The following DNAH7 variants were observed in gnomAD, a reference collection of about 807,000 sequenced individuals.
DNAH7 encodes axonemal beta dynein heavy chain 7.
Under a neutral mutation model 444.6 loss-of-function variants are expected in DNAH7, and 397 were observed. The observed-to-expected ratio is 0.89, with a 90% CI of 0.82 to 0.97. The LOEUF is 0.97. Ranked by LOEUF, DNAH7 falls within the 50% of genes least tolerant of loss-of-function variation. The pLI is 0.00. For synonymous variants in DNAH7, 1,636 were observed against 1,624.4 expected (o/e 1.01, Z -0.17); for missense variants, 4,902 against 4,800.8 (o/e 1.02, Z -0.62).
At chr2:195,936,011 G>C (rs7558198) in intron 20 of DNAH7, among the ~76,000 whole-genome samples, 1 of 152,118 alleles carries the variant, frequency 6.6e-6, no homozygotes, top group African/African-American at 2.4e-5. Flanking sequence ...ACCATCATGA[G>C]AGCAGTGGCT....
intron 35 of DNAH7, among the ~76,000 whole-genome samples, chr2:195,882,893 C>T (rs749514021): frequency 1.3e-5 from 2 of 152,128 alleles, no homozygotes; most frequent in Non-Finnish European, 2.9e-5. Context: ...TGGGCCAGAA[C>T]GGCACATGAC....
chr2:195,876,722 G>C (rs978826189), intron 36 of DNAH7, 23 bp from the exon 37 acceptor site: 1 of 1,478,612 alleles, frequency 6.8e-7, no homozygotes, highest in Non-Finnish European at 9.3e-7. Context: ...ATAATAAAAT[G>C]AGCCATAGTT....
chr2:195,764,897 A>G (rs1694504169), intron 61 of DNAH7, among the ~76,000 whole-genome samples: 1 of 151,882 alleles, frequency 6.6e-6, no homozygotes, highest in Non-Finnish European at 1.5e-5. Context: ...GCTAAAACTT[A>G]TATGGAACCA....
intron 19 of DNAH7, among the ~76,000 whole-genome samples, chr2:195,949,013 C>A (rs1253079001): frequency 6.6e-6 from 1 of 152,084 alleles, no homozygotes; most frequent in Non-Finnish European, 1.5e-5. Flanking sequence ...CTTCACATCC[C>A]TTGTAAGTTG....
At chr2:196,041,250 T>C (rs1696740264) in intron 5 of DNAH7, among the ~76,000 whole-genome samples, 1 of 151,770 alleles carries the variant, frequency 6.6e-6, no homozygotes, top group Non-Finnish European at 1.5e-5. Context: ...GCCCTAATCC[T>C]TAACAACAAC....
chr2:195,781,829 T>C (rs544784957), intron 58 of DNAH7, among the ~76,000 whole-genome samples: 8 of 152,118 alleles, frequency 5.3e-5, no homozygotes, highest in East Asian at 1.9e-4. Context: ...AATAATGTTT[T>C]TGAGAAAAAA....
At chr2:195,957,139 C>T in intron 19 of DNAH7, 122 bp downstream of exon 19, 2 of 805,402 alleles carry the variant, frequency 2.5e-6, no homozygotes, top group Admixed American at 3.5e-5. Flanking sequence ...GCTGAAAAGA[C>T]AATGTATGTA....
intron 5 of DNAH7, among the ~76,000 whole-genome samples, chr2:196,041,241 C>T (rs919895188): frequency 6.6e-6 from 1 of 151,852 alleles, no homozygotes; most frequent in Non-Finnish European, 1.5e-5. Flanking sequence ...CCCCAAATAG[C>T]CCTAATCCTT....
intron 48 of DNAH7, among the ~76,000 whole-genome samples, chr2:195,827,332 G>T (rs58300032): frequency 0.084 from 12,783 of 152,116 alleles, 731 homozygotes; most frequent in East Asian, 0.21. Flanking sequence ...CTGGAGTGCA[G>T]TGTGGCACAA....
chr2:196,064,978 T>C (rs1424116931), intron 1 of DNAH7, among the ~76,000 whole-genome samples: 1 of 152,184 alleles, frequency 6.6e-6, no homozygotes. Context: ...GTAACATAAA[T>C]ATATATGTGC....
rs746968890 is a variant in DNAH7 at position 195,936,660 on chromosome 2, A to T, written c.3211T>A (p.Phe1071Ile). The change falls in exon 20 of 65, where the codon TTC becomes ATC. Residue 1071 changes from phenylalanine to isoleucine, a missense_variant. By Grantham distance (21) the Phe-to-Ile change is conservative (BLOSUM62 0). Transcript: ENST00000312428. ...AGTTCATCATTGGACAAAAAAAAGAATCTGGGGAAAAAGAGGCGTTTCTTT... is the reference window on the plus strand; with the variant it reads ...AGTTCATCATTGGACAAAAAAAAGATTCTGGGGAAAAAGAGGCGTTTCTTT... The part of the protein sequence containing the change: ...LEKKRLFFPR[F>I]FFLSNDELLE... 5 of 1,606,338 alleles carry T rather than the reference A, an allele frequency of 3.1e-6. No individual in the cohort carries two copies. Among genetic ancestry groups the T allele is most frequent in the Non-Finnish European group, 2.5e-6 (3 of 1,177,498 alleles).
chr2:195,817,424 G>A (rs544825806), intron 50 of DNAH7, among the ~76,000 whole-genome samples: 3 of 152,290 alleles, frequency 2.0e-5, no homozygotes, highest in South Asian at 4.1e-4. Flanking sequence ...AAACTCTTGT[G>A]CTAAAACTTT....
chr2:195,787,261 C>A, intron 57 of DNAH7, 90 bp from the exon 58 acceptor site: 1 of 1,359,316 alleles, frequency 7.4e-7, no homozygotes, highest in East Asian at 2.4e-5. Context: ...AAATTTCTTT[C>A]ATTTATAAAT....
Position 195,923,630 on chromosome 2 carries a change from A to T in DNAH7, c.3790T>A (p.Phe1264Ile). ...VKKNISDDSD[F>I]EWLSQLRYYW... is the part of the protein sequence containing the mutation. The stretch of plus-strand genomic sequence containing the variant: ...TACCTAAGCTGACTTAACCATTCAA[A>T]GTCAGAGTCATCGCTAATATTTTTT... The change falls in exon 23 of 65, where the codon TTT becomes ATT. Residue 1264 changes from phenylalanine (F) to isoleucine (I), a missense_variant. Coordinates refer to ENST00000312428, the MANE Select transcript of DNAH7 (RefSeq NM_018897.3). The T allele has an allele frequency of 1.2e-6, 2 of 1,614,154 alleles. No individual in the cohort carries two copies. The highest frequency in any genetic ancestry group is 1.7e-6 in the Non-Finnish European group (2 of 1,180,008).
intron 1 of DNAH7, among the ~76,000 whole-genome samples, chr2:196,062,812 T>C (rs879846635): frequency 6.6e-5 from 10 of 152,228 alleles, no homozygotes; most frequent in Admixed American, 1.3e-4. Flanking sequence ...AAATAAAGAA[T>C]GTTTACTTTT....
intron 24 of DNAH7, among the ~76,000 whole-genome samples, chr2:195,913,873 G>T (rs1488964565): frequency 6.6e-6 from 1 of 152,126 alleles, no homozygotes; most frequent in Non-Finnish European, 1.5e-5. Context: ...CCACCACCAT[G>T]CCCAGCAAGT....
chr2:195,865,961 T>C (rs562605507), intron 40 of DNAH7, among the ~76,000 whole-genome samples: 3 of 152,310 alleles, frequency 2.0e-5, no homozygotes, highest in Admixed American at 2.0e-4. Flanking sequence ...ACAAGGTGGC[T>C]TTAGCAAGCC....
At chr2:196,015,047 C>A (rs1303078344) in intron 9 of DNAH7, among the ~76,000 whole-genome samples, 1 of 152,000 alleles carries the variant, frequency 6.6e-6, no homozygotes, top group East Asian at 1.9e-4. Context: ...ATATCACCTC[C>A]TACATTCTCG....
At chr2:195,778,707 CATATATATACACAT>C (rs1559089940) in intron 58 of DNAH7, among the ~76,000 whole-genome samples, 3 of 63,814 alleles carry the variant, frequency 4.7e-5, no homozygotes, top group African/African-American at 1.1e-4. Flanking sequence ...TATATATACA[CATATATATACACAT>C]ATATATATAC....
Sources: allele counts gnomAD v4.1 joint callset (sites outside exome capture counted in the v4.1 genomes callset), GRCh38; gene constraint gnomAD v4.1.1; transcripts MANE v1.5; gene names NCBI Gene and HGNC (gene_info 2026-07-23, HGNC 2026-07-21).